The following PTPRG variants were observed in gnomAD, a reference collection of about 807,000 sequenced individuals.
PTPRG encodes protein tyrosine phosphatase receptor type G.
Under a neutral mutation model 165.3 loss-of-function variants are expected in PTPRG, and 102 were observed. The observed-to-expected ratio is 0.62, with a 90% CI of 0.53 to 0.73. The LOEUF (loss-of-function observed/expected upper bound fraction) is 0.73, where lower values mean the gene tolerates loss of function less well. Among genes scored for constraint, PTPRG ranks in the 30% least tolerant of loss-of-function variants. The pLI, the probability that PTPRG is intolerant of heterozygous loss-of-function variation, is 0.00. For synonymous variants in PTPRG, 675 were observed against 669.5 expected (o/e 1.01, Z -0.13); for missense variants, 1,866 against 1,861.4 (o/e 1.00, Z -0.05).
intron 11 of PTPRG, 30 bp downstream of exon 11, chr3:62,201,584 G>A (rs773232022): frequency 1.7e-5 from 27 of 1,602,574 alleles, no homozygotes; most frequent in Middle Eastern, 1.7e-4. Flanking sequence ...TTGCTTTGTC[G>A]TGGCTGGTTG....
intron 2 of PTPRG, among the ~76,000 whole-genome samples, chr3:61,868,342 C>A (rs1186933736): frequency 6.6e-6 from 1 of 152,174 alleles, no homozygotes; most frequent in Non-Finnish European, 1.5e-5. Flanking sequence ...AGATTTGATT[C>A]CGAAATCCCT....
At chr3:62,089,679 A>C (rs965744989) in intron 5 of PTPRG, among the ~76,000 whole-genome samples, 1 of 152,176 alleles carries the variant, frequency 6.6e-6, no homozygotes, top group African/African-American at 2.4e-5. Flanking sequence ...ATAGCTGTGC[A>C]TTCACTCACC....
intron 4 of PTPRG, among the ~76,000 whole-genome samples, chr3:62,042,182 G>A (rs1368529900): frequency 6.6e-6 from 1 of 152,134 alleles, no homozygotes; most frequent in African/African-American, 2.4e-5. Context: ...AGATGCACAA[G>A]TATAACCTGG....
chr3:61,913,514 C>T (rs535534768), intron 2 of PTPRG, among the ~76,000 whole-genome samples: 3 of 152,098 alleles, frequency 2.0e-5, no homozygotes, highest in African/African-American at 7.2e-5. Flanking sequence ...CCACCGCACC[C>T]GGCCGAGGGA....
intron 2 of PTPRG, among the ~76,000 whole-genome samples, chr3:61,959,164 A>G (rs1004343711): frequency 1.3e-5 from 2 of 152,150 alleles, no homozygotes; most frequent in African/African-American, 2.4e-5. Flanking sequence ...AGGCCTCAAT[A>G]TGACTAGTTA....
intron 1 of PTPRG, among the ~76,000 whole-genome samples, chr3:61,724,662 A>G (rs2032184695): frequency 6.6e-6 from 1 of 151,924 alleles, no homozygotes; most frequent in African/African-American, 2.4e-5. Flanking sequence ...TGGTATTACC[A>G]CTATTTTTTT....
At chr3:61,639,502 A>G (rs1000195339) in intron 1 of PTPRG, among the ~76,000 whole-genome samples, 6 of 152,144 alleles carry the variant, frequency 3.9e-5, no homozygotes, top group African/African-American at 7.2e-5. Context: ...GCTTTGGGCA[A>G]TATGGTTGTT....
intron 28 of PTPRG, among the ~76,000 whole-genome samples, chr3:62,285,012 G>A (rs1702587598): frequency 6.6e-6 from 1 of 151,992 alleles, no homozygotes. Flanking sequence ...CATCCCAGAG[G>A]TGCTAAGCAA....
chr3:62,063,670 T>A (rs1700898928), intron 4 of PTPRG, among the ~76,000 whole-genome samples: 1 of 152,188 alleles, frequency 6.6e-6, no homozygotes, highest in African/African-American at 2.4e-5. Flanking sequence ...CATTTTTATT[T>A]ATTTATATTT....
chr3:61,872,624 A>C (rs1179600108), intron 2 of PTPRG, among the ~76,000 whole-genome samples: 1 of 151,880 alleles, frequency 6.6e-6, no homozygotes, highest in Non-Finnish European at 1.5e-5. Context: ...TTTTTTCATG[A>C]CCATTTGTAC....
At chr3:62,257,947 G>C (rs1159479903) in intron 16 of PTPRG, among the ~76,000 whole-genome samples, 1 of 152,102 alleles carries the variant, frequency 6.6e-6, no homozygotes, top group Non-Finnish European at 1.5e-5. Context: ...CTGAGCGACA[G>C]AGCAAGACCC....
Position 62,019,913 on chromosome 3 carries a change from C to T in PTPRG, c.519+16416C>T, listed in dbSNP as rs2041646392. ...TCATCACTTATTAAAAACATTTTTCCACAAAAACCTCTATCTCTATTTTTC... is the reference window on the plus strand; with the variant it reads ...TCATCACTTATTAAAAACATTTTTCTACAAAAACCTCTATCTCTATTTTTC... On this transcript the variant is annotated intron_variant, in intron 4 of 29. Transcript: ENST00000474889. 2.6e-5 allele frequency among the ~76,000 whole-genome samples: 4 copies of T among 151,974 alleles called. No homozygotes were observed. In the South Asian group the frequency reaches 8.3e-4, roughly 32 times the overall value.
intron 2 of PTPRG, among the ~76,000 whole-genome samples, chr3:61,828,349 A>G (rs2107282501): frequency 6.6e-6 from 1 of 152,324 alleles, no homozygotes; most frequent in Admixed American, 6.5e-5. Flanking sequence ...TCATACAGCG[A>G]CACATGTGTT....
intron 2 of PTPRG, among the ~76,000 whole-genome samples, chr3:61,773,739 G>T (rs1387328314): frequency 6.6e-6 from 1 of 151,260 alleles, no homozygotes; most frequent in Non-Finnish European, 1.5e-5. Context: ...AAAAAAAATT[G>T]TCATGTAAAT....
Position 62,277,540 on chromosome 3 carries a change from C to G in PTPRG, c.3637-11C>G, listed in dbSNP as rs569125104. The stretch of plus-strand genomic sequence containing the variant: ...CATATTCACTGATTTTTTTTGTCTT[C>G]CCAACTGAAGGGCTATTATAGGAGC... On this transcript the variant is annotated splice_polypyrimidine_tract_variant and intron_variant, in intron 25 of 29. Coordinates refer to ENST00000474889, the MANE Select transcript of PTPRG (RefSeq NM_002841.4). 2 of 1,603,946 alleles carry G rather than the reference C, an allele frequency of 1.2e-6. No homozygotes were observed. Among genetic ancestry groups the G allele is most frequent in the Admixed American group, 1.7e-5 (1 of 58,704 alleles).
intron 5 of PTPRG, among the ~76,000 whole-genome samples, chr3:62,089,983 G>A (rs988015405): frequency 6.6e-5 from 10 of 152,134 alleles, no homozygotes; most frequent in African/African-American, 2.4e-4. Flanking sequence ...ACTGGCCATT[G>A]TCAACCCATT....
intron 4 of PTPRG, among the ~76,000 whole-genome samples, chr3:62,062,403 C>T (rs1343066913): frequency 1.3e-5 from 2 of 152,200 alleles, no homozygotes; most frequent in East Asian, 1.9e-4. Flanking sequence ...GGGTTGTATA[C>T]AGGTGTTCAC....
chr3:62,114,903 G>T (rs910873898), intron 5 of PTPRG, among the ~76,000 whole-genome samples: 61 of 152,086 alleles, frequency 4.0e-4, no homozygotes, highest in African/African-American at 1.4e-3. Flanking sequence ...GCCTCCCAGT[G>T]TGCTGGGATT....
Position 61,905,730 on chromosome 3 carries a change from A to G in PTPRG, c.191-83895A>G, listed in dbSNP as rs115447061. Among the ~76,000 whole-genome samples, 123 of 152,334 alleles carry G rather than the reference A, an allele frequency of 8.1e-4. 1 individual carries two copies. Among genetic ancestry groups the G allele is most frequent in the African/African-American group, 2.7e-3 (114 of 41,574 alleles). On this transcript the variant is annotated intron_variant, in intron 2 of 29. Transcript: ENST00000474889. Reference sequence around the variant, plus strand: ...AACTTTGTTGATTTTCACTCTTTCTATGGTGGGATAAACAGGGACAGCTGA... The same window carrying G: ...AACTTTGTTGATTTTCACTCTTTCTGTGGTGGGATAAACAGGGACAGCTGA...
Sources: gnomAD v4.1 joint callset for allele counts (sites outside exome capture counted in the v4.1 genomes callset) on GRCh38, gnomAD v4.1.1 for gene constraint, MANE v1.5 for transcripts, NCBI Gene and HGNC (gene_info 2026-07-23, HGNC 2026-07-21) for gene names.